ANTXR1: variants seen among roughly 807,000 people sequenced by gnomAD.
The protein encoded by ANTXR1 is anthrax toxin receptor 1.
In ANTXR1, 19 loss-of-function variants were observed where a neutral mutation model predicts 78.1. That is an observed-to-expected ratio of 0.24 (90% CI 0.17 to 0.36). The LOEUF is 0.36. Ranked by LOEUF, ANTXR1 falls within the 10% of genes least tolerant of loss-of-function variation. The pLI, the probability that ANTXR1 is intolerant of heterozygous loss-of-function variation, is 1.00. For missense variants in ANTXR1, 518 were observed against 718.6 expected (o/e 0.72, Z 3.19); for synonymous variants, 273 against 260.5 (o/e 1.05, Z -0.46).
intron 12 of ANTXR1, among the ~76,000 whole-genome samples, chr2:69,127,226 A>G (rs1218934610): frequency 2.6e-5 from 4 of 152,204 alleles, no homozygotes; most frequent in Non-Finnish European, 4.4e-5. Flanking sequence ...GTAGGTTCCA[A>G]TTGTAAATAG....
intron 17 of ANTXR1, among the ~76,000 whole-genome samples, chr2:69,199,206 C>CATGG (rs1317103626): frequency 6.6e-6 from 1 of 152,208 alleles, no homozygotes; most frequent in Non-Finnish European, 1.5e-5. Context: ...GCTTGCTGAA[C>CATGG]CCATGCTCGG....
chr2:69,230,065 G>A (rs1460947449), intron 17 of ANTXR1, among the ~76,000 whole-genome samples: 1 of 151,926 alleles, frequency 6.6e-6, no homozygotes, highest in Non-Finnish European at 1.5e-5. Context: ...ATAATTCTTT[G>A]TCTTGCCCCT....
intron 12 of ANTXR1, among the ~76,000 whole-genome samples, chr2:69,150,731 C>T (rs1673369303): frequency 6.6e-6 from 1 of 151,892 alleles, no homozygotes; most frequent in Admixed American, 6.6e-5. Flanking sequence ...TATTATTTGA[C>T]AATATGGCTG....
chr2:69,144,562 T>G (rs1673167768), intron 12 of ANTXR1, among the ~76,000 whole-genome samples: 1 of 152,188 alleles, frequency 6.6e-6, no homozygotes, highest in Non-Finnish European at 1.5e-5. Context: ...AGGTGCCCCG[T>G]GGAGGGGAGA....
At chr2:69,098,983 C>CTAAATAAATAAATAAATAAA (rs56154212) in intron 9 of ANTXR1, among the ~76,000 whole-genome samples, 14,167 of 151,606 alleles carry the variant, frequency 0.093, 893 homozygotes, top group East Asian at 0.21. Context: ...GAGACTGCGT[C>CTAAATAAATAAATAAATAAA]TAAATAAATA....
intron 3 of ANTXR1, among the ~76,000 whole-genome samples, chr2:69,065,929 G>A (rs1558508371): frequency 6.6e-6 from 1 of 152,238 alleles, no homozygotes; most frequent in Admixed American, 6.5e-5. Flanking sequence ...GGTGTTTACT[G>A]TGTAAGTTGA....
intron 3 of ANTXR1, among the ~76,000 whole-genome samples, chr2:69,062,049 C>T (rs1670260197): frequency 6.6e-6 from 1 of 152,120 alleles, no homozygotes; most frequent in Non-Finnish European, 1.5e-5. Flanking sequence ...AATAGCTAAG[C>T]AGAGAAGGTT....
Position 69,169,727 on chromosome 2 carries a change from C to A in ANTXR1, c.1048-521C>A, listed in dbSNP as rs375839892. Among the ~76,000 whole-genome samples, 21 of 152,376 alleles carry A rather than the reference C, an allele frequency of 1.4e-4. 1 individual carries two copies. Among genetic ancestry groups the A allele is most frequent in the African/African-American group, 4.8e-4 (20 of 41,600 alleles). On this transcript the variant is annotated intron_variant, in intron 13 of 17. Coordinates refer to ENST00000303714, the MANE Select transcript of ANTXR1 (RefSeq NM_032208.3). ...TTTGCTGCCTCTGTTGGGACTCGGTCTGCCTGGGCAGCACATCCACCCTGC... is the reference window on the plus strand; with the variant it reads ...TTTGCTGCCTCTGTTGGGACTCGGTATGCCTGGGCAGCACATCCACCCTGC...
chr2:69,137,201 T>C (rs74628711), intron 12 of ANTXR1, among the ~76,000 whole-genome samples: 10,472 of 152,248 alleles, frequency 0.069, 415 homozygotes, highest in African/African-American at 0.1. Flanking sequence ...TTTTTAAGTT[T>C]ATGGTTCTAC....
chr2:69,199,478 C>A (rs1202172918), intron 17 of ANTXR1, among the ~76,000 whole-genome samples: 1 of 152,192 alleles, frequency 6.6e-6, no homozygotes, highest in Non-Finnish European at 1.5e-5. Context: ...AACTAGTCTA[C>A]CTTAAATCTA....
chr2:69,056,633 A>T (rs1242039283), intron 3 of ANTXR1, among the ~76,000 whole-genome samples: 2 of 152,114 alleles, frequency 1.3e-5, no homozygotes, highest in South Asian at 4.1e-4. Flanking sequence ...GCATACTTTT[A>T]TATGTGCATA....
At chr2:69,240,635 CTG>C (rs1457814218) in intron 17 of ANTXR1, among the ~76,000 whole-genome samples, 2 of 152,316 alleles carry the variant, frequency 1.3e-5, no homozygotes, top group East Asian at 3.9e-4. Context: ...AAGTGCTACA[CTG>C]TGTGATGCTA....
intron 1 of ANTXR1, among the ~76,000 whole-genome samples, chr2:69,038,759 G>A (rs1669525475): frequency 6.6e-6 from 1 of 152,108 alleles, no homozygotes; most frequent in Non-Finnish European, 1.5e-5. Context: ...ACATCCTTAT[G>A]ACACAGAGTA....
At chr2:69,187,400 C>T (rs946794306) in intron 16 of ANTXR1, among the ~76,000 whole-genome samples, 1 of 151,312 alleles carries the variant, frequency 6.6e-6, no homozygotes, top group East Asian at 1.9e-4. Context: ...GCTATATGGG[C>T]AAATTTTCTT....
chr2:69,125,230 G>A (rs1385871691), intron 12 of ANTXR1, among the ~76,000 whole-genome samples: 1 of 152,200 alleles, frequency 6.6e-6, no homozygotes. Flanking sequence ...CAAGAGCGGG[G>A]ACTGCATTCT....
At chr2:69,154,658 G>A (rs1176950958) in intron 13 of ANTXR1, among the ~76,000 whole-genome samples, 1 of 152,130 alleles carries the variant, frequency 6.6e-6, no homozygotes, top group Non-Finnish European at 1.5e-5. Flanking sequence ...CCCAAGGGTG[G>A]GGAATGCCCC....
intron 14 of ANTXR1, chr2:69,172,536 A>G (rs375570329): frequency 7.8e-6 from 11 of 1,403,892 alleles, no homozygotes; most frequent in East Asian, 7.7e-5. Context: ...CTAACATTCA[A>G]TAAATAGCTA....
intron 13 of ANTXR1, among the ~76,000 whole-genome samples, chr2:69,155,825 G>A (rs989454795): frequency 1.7e-4 from 26 of 152,134 alleles, no homozygotes; most frequent in African/African-American, 5.6e-4. Flanking sequence ...AAAGGCCATC[G>A]TATCCTGCCT....
At chr2:69,034,988 C>T (rs1455302465) in intron 1 of ANTXR1, among the ~76,000 whole-genome samples, 1 of 152,056 alleles carries the variant, frequency 6.6e-6, no homozygotes, top group Non-Finnish European at 1.5e-5. Flanking sequence ...GAGAGGAAGC[C>T]CAGGGTCTGA....
Sources: allele counts gnomAD v4.1 joint callset (sites outside exome capture counted in the v4.1 genomes callset), GRCh38; gene constraint gnomAD v4.1.1; transcripts MANE v1.5; gene names NCBI Gene and HGNC (gene_info 2026-07-23, HGNC 2026-07-21).